Variants in MRAP2 observed in about 807,000 individuals in gnomAD.
MRAP2 encodes the protein melanocortin 2 receptor accessory protein 2, also known as melanocortin-2 receptor accessory protein 2.
Under a neutral mutation model 17.4 loss-of-function variants are expected in MRAP2, and 20 were observed. That is an observed-to-expected ratio of 1.15 (90% confidence interval 0.81 to 1.67). The LOEUF is 1.67. Ranked by LOEUF, MRAP2 falls within the 40% of genes most tolerant of loss-of-function variation. MRAP2 has a pLI of 0.00. For missense variants in MRAP2, 238 were observed against 240.0 expected (o/e 0.99, Z 0.05); for synonymous variants, 96 against 88.4 (o/e 1.09, Z -0.48).
At position 84,089,655 on chromosome 6, in the gene MRAP2, GTTTTT is replaced by G; in HGVS notation, c.*176_*180del. 9.7e-6 allele frequency: 7 copies of G among 721,638 alleles called. 1 individual carries two copies. In the South Asian group the frequency reaches 1.9e-4, roughly 20 times the overall value. The allele number at this position is 721,638 out of a possible 1,614,324, so 44.7% of individuals were successfully genotyped here. A position where few individuals can be genotyped will look rare whatever the true frequency, so the allele number is the denominator to read the frequency against. On this transcript the variant is annotated 3_prime_UTR_variant, in exon 4 of 4. Transcript: ENST00000257776. ...AGAGCTGAGCTGATTAAGCTGAGTG[GTTTTT>G]TGTTTTGTTTTGTTTTTGCTTTTTA...
chr6:84,111,415 T>C, the MRAP2 span, among the ~76,000 whole-genome samples: 1 of 152,216 alleles, frequency 6.6e-6, no homozygotes, highest in Non-Finnish European at 1.5e-5. Flanking sequence ...TTGTCTATTA[T>C]TTGTGTATAG....
At chr6:84,041,498 C>T (rs1281865164) in intron 1 of MRAP2, among the ~76,000 whole-genome samples, 2 of 152,238 alleles carry the variant, frequency 1.3e-5, no homozygotes, top group African/African-American at 4.8e-5. Flanking sequence ...TTGCCCCGTG[C>T]ACCTGGAAAA....
chr6:84,037,514 G>A (rs546481544), intron 1 of MRAP2, among the ~76,000 whole-genome samples: 17 of 152,344 alleles, frequency 1.1e-4, no homozygotes, highest in South Asian at 1.0e-3. Flanking sequence ...GGGACCAGGC[G>A]CCATGGAGCA....
the MRAP2 span, among the ~76,000 whole-genome samples, chr6:84,127,228 T>C: frequency 6.6e-6 from 1 of 152,266 alleles, no homozygotes; most frequent in East Asian, 1.9e-4. Context: ...ATTTTGCTAA[T>C]TGTTTACATC....
At chr6:84,072,427 C>G (rs747029122) in intron 3 of MRAP2, among the ~76,000 whole-genome samples, 26 of 152,184 alleles carry the variant, frequency 1.7e-4, no homozygotes. Context: ...TGACGAGAAT[C>G]GTTTATGGGT....
the MRAP2 span, among the ~76,000 whole-genome samples, chr6:84,102,037 A>G: frequency 6.6e-6 from 1 of 152,176 alleles, no homozygotes. Flanking sequence ...TAGATCTTGG[A>G]TATATATTCC....
chr6:84,096,503 C>T, the MRAP2 span, among the ~76,000 whole-genome samples: 3 of 152,214 alleles, frequency 2.0e-5, no homozygotes, highest in African/African-American at 7.2e-5. Flanking sequence ...AAGCACCAGC[C>T]TTTGACTTCA....
chr6:84,036,017 A>G (rs1588614793), intron 1 of MRAP2, among the ~76,000 whole-genome samples: 2 of 152,338 alleles, frequency 1.3e-5, no homozygotes, highest in East Asian at 3.9e-4. Context: ...TTGGAAGAAC[A>G]ATATTCTTAT....
At chr6:84,070,636 C>T (rs1259529119) in intron 3 of MRAP2, among the ~76,000 whole-genome samples, 6 of 152,016 alleles carry the variant, frequency 3.9e-5, no homozygotes, top group Non-Finnish European at 5.9e-5. Context: ...TGTTTAAATC[C>T]ATTGTTTCTT....
At chr6:84,052,748 A>G (rs2099490756) in intron 1 of MRAP2, 2 of 968,658 alleles carry the variant, frequency 2.1e-6, no homozygotes, top group Admixed American at 6.2e-5. Context: ...AGCTGGTGTC[A>G]CATTTCATTC....
At position 84,050,976 on chromosome 6, in the gene MRAP2, G is replaced by A. The variant is rs878967500; in HGVS notation, c.-7-4336G>A. ...TCAGTTGTGTGCATGTTTGTGTGGG[G>A]GCATGCTCATTTTTCAGGGTTTCTG... On this transcript the variant is annotated intron_variant, in intron 1 of 3. Coordinates refer to ENST00000257776, the MANE Select transcript of MRAP2 (RefSeq NM_138409.4). Among the ~76,000 whole-genome samples the A allele has an allele frequency of 2.6e-5, 4 of 152,026 alleles. 1 individual carries two copies. Among genetic ancestry groups the A allele is most frequent in the Admixed American group, 2.6e-4 (4 of 15,258 alleles).
intron 3 of MRAP2, among the ~76,000 whole-genome samples, chr6:84,088,388 G>C (rs189099051): frequency 6.6e-6 from 1 of 152,224 alleles, no homozygotes; most frequent in East Asian, 1.9e-4. Context: ...CTGCTTATTT[G>C]TTCCACGTTA....
chr6:84,057,465 T>C (rs2099491981), intron 2 of MRAP2, among the ~76,000 whole-genome samples: 2 of 152,310 alleles, frequency 1.3e-5, no homozygotes, highest in African/African-American at 4.8e-5. Context: ...ATTCCTACCT[T>C]CAAAGGGTGT....
At chr6:84,094,719 G>C (rs1309045983), downstream of MRAP2, among the ~76,000 whole-genome samples, 2 of 151,506 alleles carry the variant, frequency 1.3e-5, no homozygotes, top group Non-Finnish European at 2.9e-5. Context: ...TTGACATGGA[G>C]TCTCACTCTG....
At chr6:84,095,427 G>A (rs757936600), downstream of MRAP2, among the ~76,000 whole-genome samples, 1 of 152,118 alleles carries the variant, frequency 6.6e-6, no homozygotes, top group Non-Finnish European at 1.5e-5. Flanking sequence ...AACCTAAAAT[G>A]ATCAAAGAGT....
At chr6:84,116,348 T>G in the MRAP2 span, among the ~76,000 whole-genome samples, 4 of 152,154 alleles carry the variant, frequency 2.6e-5, no homozygotes, top group African/African-American at 9.7e-5. Context: ...TCTCATGAGA[T>G]CTGATGGTTT....
intron 1 of MRAP2, among the ~76,000 whole-genome samples, chr6:84,035,181 C>G (rs536558404): frequency 2.0e-5 from 3 of 152,102 alleles, no homozygotes; most frequent in Non-Finnish European, 2.9e-5. Context: ...TCTCGAAGCC[C>G]GAAACTGGAC....
chr6:84,123,903 G>A, the MRAP2 span, among the ~76,000 whole-genome samples: 1 of 152,018 alleles, frequency 6.6e-6, no homozygotes, highest in Non-Finnish European at 1.5e-5. Context: ...CAAACTGGGA[G>A]AAAAACATGA....
intron 1 of MRAP2, among the ~76,000 whole-genome samples, chr6:84,042,206 T>A (rs570072434): frequency 6.6e-6 from 1 of 152,190 alleles, no homozygotes; most frequent in African/African-American, 2.4e-5. Context: ...GAAGGATGTG[T>A]TTGCTTCCCT....
Sources: allele counts gnomAD v4.1 joint callset (sites outside exome capture counted in the v4.1 genomes callset), GRCh38; gene constraint gnomAD v4.1.1; transcripts MANE v1.5; gene names NCBI Gene and HGNC (gene_info 2026-07-23, HGNC 2026-07-21).